Variants in LAMA3 observed in about 807,000 individuals in gnomAD.
LAMA3 encodes the protein laminin subunit alpha 3.
LAMA3 carries 281 observed loss-of-function variants against 402.0 expected under a neutral mutation model. That is an observed-to-expected ratio of 0.70 (90% CI 0.63 to 0.77). The LOEUF (loss-of-function observed/expected upper bound fraction) is 0.77, where lower values mean the gene tolerates loss of function less well. Ranked by LOEUF, LAMA3 falls within the 30% of genes least tolerant of loss-of-function variation. LAMA3 has a pLI of 0.00. For missense variants in LAMA3, 3,840 were observed against 4,215.5 expected (o/e 0.91, Z 2.47); for synonymous variants, 1,431 against 1,558.4 (o/e 0.92, Z 1.93).
At chr18:23,739,883 T>G (rs1205059971) in intron 2 of LAMA3, among the ~76,000 whole-genome samples, 1 of 152,256 alleles carries the variant, frequency 6.6e-6, no homozygotes, top group Admixed American at 6.5e-5. Flanking sequence ...AAGGAGGATT[T>G]AGGTAACTTG....
In LAMA3 at chr18:23,905,635, G is replaced by C. The variant is rs1334797025; in HGVS notation, c.6718+11G>C. The C allele has an allele frequency of 6.0e-6, 9 of 1,504,570 alleles. No individual in the cohort carries two copies. Among genetic ancestry groups the C allele is most frequent in the Non-Finnish European group, 8.3e-6 (9 of 1,081,416 alleles). 93.2% of individuals were successfully genotyped at this position (1,504,570 alleles called of 1,614,324 possible). ...AGAAGCTAAAGCAAGGTATTAGGGG[G>C]AGTGGGCAATGGCAGGGATAGTCAG... is the stretch of plus-strand genomic sequence containing the variant. On this transcript the variant is annotated intron_variant, in intron 52 of 74. Transcript: ENST00000313654.
Position 23,905,502 on chromosome 18 carries a change from G to A in LAMA3, c.6616-20G>A. 1 of 1,388,882 alleles carries A rather than the reference G, an allele frequency of 7.2e-7. No individual in the cohort carries two copies. Among genetic ancestry groups the A allele is most frequent in the Non-Finnish European group, 1.0e-6 (1 of 976,490 alleles). The allele number at this position is 1,388,882 out of a possible 1,614,324, so 86.0% of individuals were successfully genotyped here. ...TAACATATAGCATTTGTTTAAGGCT[G>A]TTAAATGCTTTGCTTTCAGACAGTG... On this transcript the variant is annotated intron_variant, in intron 51 of 74. Transcript: ENST00000313654.
intron 62 of LAMA3, among the ~76,000 whole-genome samples, chr18:23,924,959 A>T (rs551311085): frequency 6.6e-6 from 1 of 152,350 alleles, no homozygotes; most frequent in East Asian, 1.9e-4. Context: ...AGGAATAGTC[A>T]GCTGTTCTGG....
intron 39 of LAMA3, 72 bp downstream of exon 39, chr18:23,876,479 A>T: frequency 1.0e-6 from 1 of 1,000,646 alleles, no homozygotes; most frequent in Non-Finnish European, 1.6e-6. Context: ...ACTATGCCCA[A>T]AGACATCAAC....
At chr18:23,873,027 G>A (rs747580047) in intron 38 of LAMA3, 8 of 1,614,088 alleles carry the variant, frequency 5.0e-6, no homozygotes, top group Non-Finnish European at 5.9e-6. Context: ...CGCAGCCAGC[G>A]GACGTCCAGG....
intron 70 of LAMA3, among the ~76,000 whole-genome samples, chr18:23,948,098 C>A (rs1274943625): frequency 6.6e-6 from 1 of 152,194 alleles, no homozygotes; most frequent in East Asian, 1.9e-4. Context: ...AGGCGTGAGC[C>A]ACCGTGCCCG....
chr18:23,823,354 G>A (rs2063323752), intron 20 of LAMA3, among the ~76,000 whole-genome samples: 2 of 152,128 alleles, frequency 1.3e-5, no homozygotes, highest in East Asian at 1.9e-4. Flanking sequence ...CTCTTAACAG[G>A]CCCCTCTGCC....
intron 12 of LAMA3, among the ~76,000 whole-genome samples, chr18:23,794,091 C>A (rs976184104): frequency 6.6e-6 from 1 of 152,232 alleles, no homozygotes; most frequent in Non-Finnish European, 1.5e-5. Flanking sequence ...CCTCCAGGAA[C>A]CTCCCCACAT....
intron 61 of LAMA3, 131 bp from the exon 62 acceptor site, chr18:23,921,321 C>A: frequency 9.7e-7 from 1 of 1,028,526 alleles, no homozygotes; most frequent in South Asian, 1.7e-5. Context: ...AATGCTACTG[C>A]TCAGAGCCTT....
chr18:23,899,098 T>TCC, intron 46 of LAMA3, 33 bp downstream of exon 46: 2 of 1,552,338 alleles, frequency 1.3e-6, no homozygotes, highest in Non-Finnish European at 1.8e-6. Context: ...ATTACATTTT[T>TCC]TTTGGTTACA....
intron 63 of LAMA3, 151 bp downstream of exon 63, chr18:23,928,391 C>G (rs2082069973): frequency 1.3e-6 from 1 of 751,848 alleles, no homozygotes; most frequent in Admixed American, 2.1e-5. Flanking sequence ...TTGCAAGATG[C>G]TGAACCTTTT....
At chr18:23,692,132 A>C (rs1172246699) in intron 1 of LAMA3, among the ~76,000 whole-genome samples, 1 of 152,220 alleles carries the variant, frequency 6.6e-6, no homozygotes, top group East Asian at 1.9e-4. Context: ...TAAGCTACTA[A>C]ATCATGGTAC....
intron 1 of LAMA3, among the ~76,000 whole-genome samples, chr18:23,702,326 T>G (rs886952716): frequency 6.6e-6 from 1 of 152,030 alleles, no homozygotes; most frequent in Admixed American, 6.5e-5. Context: ...AAAGGAAGCT[T>G]CTTTCTTCTT....
intron 1 of LAMA3, among the ~76,000 whole-genome samples, chr18:23,696,261 T>TAATACA (rs1174209756): frequency 4.6e-5 from 7 of 152,234 alleles, no homozygotes; most frequent in Non-Finnish European, 1.0e-4. Flanking sequence ...GGACTTAGCA[T>TAATACA]TTACTGTATC....
chr18:23,828,472 C>A (rs992376035), intron 23 of LAMA3, among the ~76,000 whole-genome samples: 25 of 152,290 alleles, frequency 1.6e-4, no homozygotes, highest in Middle Eastern at 3.4e-3. Flanking sequence ...GTATCCCTCC[C>A]TACACATGCT....
intron 39 of LAMA3, among the ~76,000 whole-genome samples, chr18:23,878,030 G>A (rs1042994194): frequency 2.0e-5 from 3 of 152,148 alleles, no homozygotes; most frequent in Non-Finnish European, 2.9e-5. Flanking sequence ...GGAGAATGGC[G>A]TGAACCCAGG....
At chr18:23,802,682 A>G (rs1052340186) in intron 12 of LAMA3, among the ~76,000 whole-genome samples, 1 of 152,036 alleles carries the variant, frequency 6.6e-6, no homozygotes, top group Admixed American at 6.6e-5. Flanking sequence ...TGGAACTAAG[A>G]CCTCTCGACC....
intron 2 of LAMA3, among the ~76,000 whole-genome samples, chr18:23,728,110 A>C (rs1022560902): frequency 6.6e-6 from 1 of 152,160 alleles, no homozygotes; most frequent in Non-Finnish European, 1.5e-5. Context: ...TGCTACCTCA[A>C]GTCTCTCCTC....
chr18:23,834,350 A>G (rs550838851), intron 24 of LAMA3: 15 of 311,230 alleles, frequency 4.8e-5, no homozygotes, highest in South Asian at 4.3e-4. Context: ...GCATAGCACA[A>G]GGAAAAAGAC....
Sources: gnomAD v4.1 joint callset for allele counts (sites outside exome capture counted in the v4.1 genomes callset) on GRCh38, gnomAD v4.1.1 for gene constraint, MANE v1.5 for transcripts, NCBI Gene and HGNC (gene_info 2026-07-23, HGNC 2026-07-21) for gene names.